The following PCDHA13 variants were observed in gnomAD, a reference collection of about 807,000 sequenced individuals.
The protein encoded by PCDHA13 is protocadherin alpha 13.
A neutral mutation model predicts 64.8 loss-of-function variants in PCDHA13; 54 were observed. The observed-to-expected ratio is 0.83, with a 90% CI of 0.67 to 1.04. PCDHA13 has a LOEUF of 1.04. Among genes scored for constraint, PCDHA13 ranks in the 50% least tolerant of loss-of-function variants. The pLI is 0.00. For synonymous variants in PCDHA13, 587 were observed against 564.4 expected, an observed-to-expected ratio of 1.04 and a Z score of -0.57; for missense variants, 1,248 against 1,254.3, an observed-to-expected ratio of 0.99 and a Z score of 0.08.
Position 140,882,261 on chromosome 5 carries a change from AGTGTACCATGCT to A in PCDHA13, c.-5_7del, listed in dbSNP as rs1554173264. 6.2e-7 allele frequency: 1 copy of A among 1,604,356 alleles called. No homozygotes were observed. The highest frequency in any genetic ancestry group is 8.5e-7 in the Non-Finnish European group (1 of 1,174,382). On this transcript the variant is annotated start_lost and 5_prime_UTR_variant, in exon 1 of 4. Transcript: ENST00000289272. ...TTGCAGATAGCTCTGAGGTTTTTGG[AGTGTACCATGCT>A]GTCTTCCTGGCAAGGAGGCCCAAGA...
chr5:140,963,496 A>C (rs1554226617), intron 1 of PCDHA13, among the ~76,000 whole-genome samples: 2 of 152,232 alleles, frequency 1.3e-5, no homozygotes, highest in African/African-American at 2.4e-5. Context: ...TGAGGAAACA[A>C]ATCTCTTGAA....
chr5:141,008,872 A>C (rs1174901625), intron 3 of PCDHA13, among the ~76,000 whole-genome samples: 1 of 152,140 alleles, frequency 6.6e-6, no homozygotes, highest in Non-Finnish European at 1.5e-5. Context: ...GCTGCATCCC[A>C]CCACCCTTCA....
At chr5:141,004,054 G>A (rs2098150015) in intron 3 of PCDHA13, among the ~76,000 whole-genome samples, 1 of 152,216 alleles carries the variant, frequency 6.6e-6, no homozygotes, top group Admixed American at 6.5e-5. Flanking sequence ...TGCTGATACT[G>A]GCCCCTGGTT....
intron 1 of PCDHA13, among the ~76,000 whole-genome samples, chr5:140,945,222 A>T (rs1019202574): frequency 4.6e-5 from 7 of 152,260 alleles, no homozygotes; most frequent in Middle Eastern, 6.8e-3. Context: ...AAATAAAAAT[A>T]CTTAGGAATA....
At chr5:140,942,351 G>GCAGTTAA (rs1563195355) in intron 1 of PCDHA13, among the ~76,000 whole-genome samples, 1 of 152,024 alleles carries the variant, frequency 6.6e-6, no homozygotes. Context: ...GGCGGAGGTT[G>GCAGTTAA]CAGTTAACGG....
chr5:140,927,098 A>G (rs1554204018), intron 1 of PCDHA13: 4 of 1,613,286 alleles, frequency 2.5e-6, no homozygotes, highest in Non-Finnish European at 3.4e-6. Flanking sequence ...TTCGGGGTGG[A>G]TCTACCCAGC....
At position 140,882,980 on chromosome 5, in the gene PCDHA13, A is replaced by T. The variant is rs782593392; in HGVS notation, c.712A>T (p.Asn238Tyr). The change falls in exon 1 of 4, where the codon AAC becomes TAC. Residue 238 changes from asparagine to tyrosine, a missense_variant. Coordinates refer to ENST00000289272, the MANE Select transcript of PCDHA13 (RefSeq NM_018904.3). ...CATCACGATTCTGGACGTGAATGAC[A>T]ACGCCCCGGAATTTTACCAATCCGT... ...LLITILDVNDNAPEFYQSVYK... is the reference protein window; with the variant it reads ...LLITILDVNDYAPEFYQSVYK... 34 of 1,614,072 alleles carry T rather than the reference A, an allele frequency of 2.1e-5. No homozygotes were observed. Among genetic ancestry groups the T allele is most frequent in the African/African-American group, 2.7e-5 (2 of 74,926 alleles).
At chr5:141,006,445 C>T (rs1202981865) in intron 3 of PCDHA13, among the ~76,000 whole-genome samples, 2 of 152,062 alleles carry the variant, frequency 1.3e-5, no homozygotes, top group Non-Finnish European at 2.9e-5. Context: ...AATCTCCTGA[C>T]CTCGAGATCT....
At position 140,883,288 on chromosome 5, in the gene PCDHA13, A is replaced by G. The variant is rs781835023; in HGVS notation, c.1020A>G (p.Val340=). The stretch of plus-strand genomic sequence containing the variant: ...GTCATTGTACCCTTTTGGTGGAAGT[A>G]CTAGATGTAAATGATAACGCCCCAG... The part of the protein sequence containing the change: ...MAGHCTLLVE[V]LDVNDNAPEV... Residue 340 remains valine (V), a synonymous_variant, in exon 1 of 4, where the codon GTA becomes GTG. Coordinates refer to ENST00000289272, the MANE Select transcript of PCDHA13 (RefSeq NM_018904.3). The G allele has an allele frequency of 6.2e-7, 1 of 1,614,110 alleles. No individual in the cohort carries two copies. The highest frequency in any genetic ancestry group is 8.5e-7 in the Non-Finnish European group (1 of 1,180,036).
chr5:140,943,831 A>T (rs1051741610), intron 1 of PCDHA13, among the ~76,000 whole-genome samples: 2 of 152,214 alleles, frequency 1.3e-5, no homozygotes, highest in African/African-American at 4.8e-5. Flanking sequence ...GAGTTGATTG[A>T]AGTTGTAAGA....
At chr5:140,977,227 A>G (rs149467858) in intron 1 of PCDHA13, among the ~76,000 whole-genome samples, 4 of 152,288 alleles carry the variant, frequency 2.6e-5, no homozygotes, top group African/African-American at 7.2e-5. Context: ...ATGTTACCCA[A>G]TCATAGAAAA....
chr5:140,907,272 C>T (rs1164055585), intron 1 of PCDHA13, among the ~76,000 whole-genome samples: 1 of 152,224 alleles, frequency 6.6e-6, no homozygotes, highest in Non-Finnish European at 1.5e-5. Flanking sequence ...GCCATTCCAT[C>T]ATTCTATCAA....
intron 1 of PCDHA13, chr5:140,966,628 C>G (rs944715570): frequency 7.9e-5 from 76 of 964,108 alleles, no homozygotes; most frequent in Non-Finnish European, 1.0e-4. Flanking sequence ...GGGAGCGGCC[C>G]CAGGCGCTTT....
At position 140,927,047 on chromosome 5, in the gene PCDHA13, C is replaced by T. The variant is rs782800214; in HGVS notation, c.2394+42385C>T. On this transcript the variant is annotated intron_variant, in intron 1 of 3. Coordinates refer to ENST00000289272, the MANE Select transcript of PCDHA13 (RefSeq NM_018904.3). ...AGGCTGCCAGCGGCCGCTATGTCCT[C>T]GCGGAACTTTCGCTTCCTTTCCAGC... The T allele has an allele frequency of 2.5e-6, 4 of 1,612,066 alleles. No homozygotes were observed. The highest frequency in any genetic ancestry group is 1.7e-5 in the Admixed American group (1 of 59,932).
intron 1 of PCDHA13, among the ~76,000 whole-genome samples, chr5:140,888,814 T>C (rs1052564071): frequency 6.6e-6 from 1 of 152,126 alleles, no homozygotes; most frequent in Non-Finnish European, 1.5e-5. Context: ...TGATCTGTGA[T>C]CTGTGATCAC....
chr5:141,002,841 G>T (rs2098098318), intron 3 of PCDHA13, among the ~76,000 whole-genome samples: 1 of 152,196 alleles, frequency 6.6e-6, no homozygotes, highest in African/African-American at 2.4e-5. Flanking sequence ...CCAGGACTAT[G>T]CACTAGTGAG....
chr5:140,993,270 G>A (rs190721014), intron 3 of PCDHA13, among the ~76,000 whole-genome samples: 360 of 151,912 alleles, frequency 2.4e-3, no homozygotes, highest in African/African-American at 8.3e-3. Context: ...AGCTTCTTTG[G>A]TCTTTTCTTG....
chr5:140,990,296 T>C (rs1231552034), intron 3 of PCDHA13, among the ~76,000 whole-genome samples: 12 of 152,300 alleles, frequency 7.9e-5, no homozygotes, highest in African/African-American at 2.9e-4. Flanking sequence ...ATCGATGCCA[T>C]TGTCTGTAAA....
At chr5:140,925,052 A>G (rs1221049582) in intron 1 of PCDHA13, among the ~76,000 whole-genome samples, 1 of 151,720 alleles carries the variant, frequency 6.6e-6, no homozygotes, top group African/African-American at 2.4e-5. Context: ...TTGAGACCAG[A>G]CTGGGCAACA....
Sources: gnomAD v4.1 joint callset for allele counts (sites outside exome capture counted in the v4.1 genomes callset) on GRCh38, gnomAD v4.1.1 for gene constraint, MANE v1.5 for transcripts, NCBI Gene and HGNC (gene_info 2026-07-23, HGNC 2026-07-21) for gene names.